Variants in GPC5 observed in about 807,000 individuals in gnomAD.
The protein encoded by GPC5 is glypican 5.
Under a neutral mutation model 53.9 loss-of-function variants are expected in GPC5, and 47 were observed. The observed-to-expected ratio is 0.87, with a 90% CI of 0.69 to 1.11. GPC5 has a LOEUF of 1.11. GPC5 is among the 50% of genes most tolerant of loss of function. The pLI is 0.00. For missense variants in GPC5, 748 were observed against 713.1 expected, an observed-to-expected ratio of 1.05 and a Z score of -0.56; for synonymous variants, 286 against 263.3, an observed-to-expected ratio of 1.09 and a Z score of -0.84.
intron 6 of GPC5, among the ~76,000 whole-genome samples, chr13:92,067,222 G>C (rs1276627270): frequency 6.6e-6 from 1 of 152,052 alleles, no homozygotes; most frequent in Non-Finnish European, 1.5e-5. Context: ...CATTTGTTGA[G>C]AGTGAAATTG....
chr13:92,586,330 A>T (rs2139060680), intron 7 of GPC5, among the ~76,000 whole-genome samples: 1 of 152,364 alleles, frequency 6.6e-6, no homozygotes, highest in Non-Finnish European at 1.5e-5. Flanking sequence ...CAGAGAAATA[A>T]AAGACCATGC....
chr13:92,681,946 G>A (rs1887123284), intron 7 of GPC5, among the ~76,000 whole-genome samples: 1 of 152,086 alleles, frequency 6.6e-6, no homozygotes, highest in African/African-American at 2.4e-5. Flanking sequence ...GTCTTCAAAT[G>A]TCCAGTATGA....
chr13:92,581,464 C>G (rs529170292), intron 7 of GPC5, among the ~76,000 whole-genome samples: 1 of 152,258 alleles, frequency 6.6e-6, no homozygotes, highest in African/African-American at 2.4e-5. Context: ...TTTATCCATT[C>G]ATCCATTGAT....
chr13:92,134,704 T>C (rs2041769969), intron 6 of GPC5, among the ~76,000 whole-genome samples: 1 of 152,172 alleles, frequency 6.6e-6, no homozygotes, highest in African/African-American at 2.4e-5. Flanking sequence ...TTCTGTTCCA[T>C]TGGCAATTAC....
chr13:92,703,052 ATATT>A (rs138015246), intron 7 of GPC5, among the ~76,000 whole-genome samples: 48,871 of 145,492 alleles, frequency 0.34, 8,532 homozygotes, highest in East Asian at 0.45. Flanking sequence ...GCATATATAT[ATATT>A]TATTTATTTA....
chr13:91,535,884 T>G (rs920837125), intron 2 of GPC5, among the ~76,000 whole-genome samples: 1 of 152,218 alleles, frequency 6.6e-6, no homozygotes, highest in African/African-American at 2.4e-5. Context: ...TGAGGACTAA[T>G]ATGTATACTA....
At chr13:91,584,705 G>T (rs1295173710) in intron 2 of GPC5, among the ~76,000 whole-genome samples, 2 of 151,670 alleles carry the variant, frequency 1.3e-5, no homozygotes, top group African/African-American at 4.8e-5. Flanking sequence ...CAGCCTCCCT[G>T]CCTCAGCGGG....
chr13:92,472,759 T>C (rs1198579688), intron 7 of GPC5, among the ~76,000 whole-genome samples: 1 of 152,094 alleles, frequency 6.6e-6, no homozygotes, highest in African/African-American at 2.4e-5. Flanking sequence ...ATCGACTCAG[T>C]ATTAATTTTG....
chr13:92,002,753 TCAGACAATACTA>T (rs2040566966), intron 6 of GPC5, among the ~76,000 whole-genome samples: 1 of 152,108 alleles, frequency 6.6e-6, no homozygotes, highest in African/African-American at 2.4e-5. Flanking sequence ...AATGACCAAA[TCAGACAATACTA>T]CAGGCTGGTG....
At chr13:91,570,496 T>C (rs1220320980) in intron 2 of GPC5, among the ~76,000 whole-genome samples, 4 of 152,212 alleles carry the variant, frequency 2.6e-5, no homozygotes, top group African/African-American at 9.6e-5. Context: ...TGTATTATAC[T>C]TAGAAAATAT....
At chr13:92,029,017 T>C (rs953811360) in intron 6 of GPC5, among the ~76,000 whole-genome samples, 1 of 152,204 alleles carries the variant, frequency 6.6e-6, no homozygotes, top group African/African-American at 2.4e-5. Context: ...TCACTTGTGT[T>C]TGTTTGGTTT....
intron 7 of GPC5, among the ~76,000 whole-genome samples, chr13:92,520,777 CCAGGCCAATCAAG>C (rs1181315021): frequency 3.2e-4 from 49 of 152,076 alleles, no homozygotes; most frequent in African/African-American, 1.2e-3. Context: ...GAAGTTCTGG[CCAGGCCAATCAAG>C]CAGGACAAAG....
intron 7 of GPC5, among the ~76,000 whole-genome samples, chr13:92,622,967 G>A (rs58583590): frequency 0.39 from 59,872 of 151,904 alleles, 12,111 homozygotes; most frequent in Non-Finnish European, 0.44. Flanking sequence ...GGAATGAAAT[G>A]TTCAGGCAGG....
intron 2 of GPC5, among the ~76,000 whole-genome samples, chr13:91,594,353 A>G (rs1321292780): frequency 6.6e-6 from 1 of 152,180 alleles, no homozygotes; most frequent in Non-Finnish European, 1.5e-5. Flanking sequence ...ATTTCTATAC[A>G]AGGAATTTAT....
At chr13:92,077,924 ATAGATAGCTAGG>A (rs943714578) in intron 6 of GPC5, among the ~76,000 whole-genome samples, 1 of 152,210 alleles carries the variant, frequency 6.6e-6, no homozygotes, top group African/African-American at 2.4e-5. Flanking sequence ...AGACGTAGAT[ATAGATAGCTAGG>A]TAGATACAGA....
rs9560881 is a variant in GPC5 at position 91,890,318 on chromosome 13, A to C, written c.1281-17619A>C. On this transcript the variant is annotated intron_variant, in intron 5 of 7. Coordinates refer to ENST00000377067, the MANE Select transcript of GPC5 (RefSeq NM_004466.6). ...TGGCAGGCTCTATTTTTATTTCTAA[A>C]ATAAATGACTCTATTTTAATCCTGA... Among the ~76,000 whole-genome samples the C allele has an allele frequency of 4.9e-3, 753 of 152,268 alleles. 11 individuals carry two copies. The East Asian group carries it at 0.071, about 14-fold the overall frequency.
chr13:92,518,899 A>G (rs1185137923), intron 7 of GPC5, among the ~76,000 whole-genome samples: 3 of 152,212 alleles, frequency 2.0e-5, no homozygotes, highest in Non-Finnish European at 4.4e-5. Flanking sequence ...ACATGCAGAG[A>G]CACACATAGG....
Position 92,332,225 on chromosome 13 carries a change from C to T in GPC5, c.1561+187236C>T, listed in dbSNP as rs1408702984. Among the ~76,000 whole-genome samples, 6 of 152,054 alleles carry T rather than the reference C, an allele frequency of 3.9e-5. No individual in the cohort carries two copies. The South Asian group carries it at 8.3e-4, about 21-fold the overall frequency. On this transcript the variant is annotated intron_variant, in intron 7 of 7. Coordinates refer to ENST00000377067, the MANE Select transcript of GPC5 (RefSeq NM_004466.6). ...GTTAAACTGAACTTCCTAGGTTAGG[C>T]AGGATATATTTGAATTTTGCTTGTG...
At chr13:91,981,589 G>C (rs978326708) in intron 6 of GPC5, among the ~76,000 whole-genome samples, 3 of 151,918 alleles carry the variant, frequency 2.0e-5, no homozygotes, top group Non-Finnish European at 2.9e-5. Flanking sequence ...GCGCCCGACC[G>C]TAAGAGTTCT....
Sources: gnomAD v4.1 joint callset for allele counts (sites outside exome capture counted in the v4.1 genomes callset) on GRCh38, gnomAD v4.1.1 for gene constraint, MANE v1.5 for transcripts, NCBI Gene and HGNC (gene_info 2026-07-23, HGNC 2026-07-21) for gene names.